The following GGTLC1 variants were observed in gnomAD, a reference collection of about 807,000 sequenced individuals.
GGTLC1 encodes the protein gamma-glutamyltransferase light chain 1, also known as glutathione hydrolase light chain 1.
In GGTLC1, 14 loss-of-function variants were observed where a neutral mutation model predicts 19.5. The ratio of observed to expected loss-of-function variants is 0.72; its 90% CI spans 0.47 to 1.12. The LOEUF is 1.12. GGTLC1 is among the 50% of genes most tolerant of loss of function. The pLI, the probability that GGTLC1 is intolerant of heterozygous loss-of-function variation, is 0.00. For missense variants in GGTLC1, 304 were observed against 309.2 expected (o/e 0.98, Z 0.13); for synonymous variants, 110 against 124.2 (o/e 0.89, Z 0.76).
chr20:23,986,577 G>T lies in GGTLC1; in HGVS notation c.35C>A (p.Ala12Asp), dbSNP rs377552031. 1.3e-5 allele frequency: 21 copies of T among 1,599,046 alleles called. No individual in the cohort carries two copies. In the African/African-American group the frequency reaches 2.2e-4, roughly 16 times the overall value. The change falls in exon 2 of 6, where the codon GCC becomes GAC. Residue 12 changes from alanine to aspartate, a missense_variant. Physicochemically the swap from Ala to Asp is moderately radical, Grantham distance 126. Transcript: ENST00000335694. Reference protein sequence around the residue: ...TSEFFSAQLRAQISDDTTHPI... With the variant: ...TSEFFSAQLRDQISDDTTHPI... ...GTGAGTGGTGTCGTCAGAGATCTGGGCCCGGAGCTGGGCAGAGAAGAACTC... is the reference window on the plus strand; with the variant it reads ...GTGAGTGGTGTCGTCAGAGATCTGGTCCCGGAGCTGGGCAGAGAAGAACTC...
chr20:23,988,523 GT>G (rs1962287980), intron 1 of GGTLC1, 85 bp downstream of exon 1: 1 of 758,896 alleles, frequency 1.3e-6, no homozygotes, highest in Admixed American at 5.6e-5. Flanking sequence ...CGCGACCTTT[GT>G]GCCCGTGTCT....
In GGTLC1 at chr20:23,986,130, T is replaced by C. The variant is rs372825938; in HGVS notation, c.250A>G (p.Ser84Gly). The change falls in exon 3 of 6, where the codon AGC (serine) becomes GGC (glycine). Residue 84 changes from serine (S) to glycine (G), a missense_variant. Ser to Gly is a moderately conservative substitution (Grantham distance 56). Coordinates refer to ENST00000335694, the MANE Select transcript of GGTLC1 (RefSeq NM_178311.3). ...NNEMDDFSST[S>G]ITNEFGVPPS... ...GGTACCCCAAACTCGTTGGTGATGC[T>C]GGTAGAGCTGAAGTCATCCATTTCA... is the stretch of plus-strand genomic sequence containing the variant. The C allele has an allele frequency of 1.2e-6, 2 of 1,613,372 alleles. No homozygotes were observed. Among genetic ancestry groups the C allele is most frequent in the Non-Finnish European group, 8.5e-7 (1 of 1,179,732 alleles).
intron 1 of GGTLC1, among the ~76,000 whole-genome samples, chr20:23,988,071 G>A (rs1190212229): frequency 1.1e-5 from 1 of 89,154 alleles, no homozygotes; most frequent in African/African-American, 4.4e-5. Flanking sequence ...AAAAAAAAGA[G>A]TCTGGCTCTG....
intron 1 of GGTLC1, 164 bp from the exon 2 acceptor site, chr20:23,986,809 C>T (rs1272476461): frequency 6.2e-6 from 9 of 1,441,522 alleles, no homozygotes; most frequent in Middle Eastern, 2.6e-4. Context: ...CTGTCTCTGT[C>T]GCATTCCAGC....
intron 1 of GGTLC1, among the ~76,000 whole-genome samples, chr20:23,987,375 C>T (rs2122430427): frequency 6.6e-6 from 1 of 152,148 alleles, no homozygotes; most frequent in South Asian, 2.1e-4. Flanking sequence ...AAAGGGGAGG[C>T]TGTGGGTATC....
intron 1 of GGTLC1, 147 bp from the exon 2 acceptor site, chr20:23,986,792 T>C: frequency 7.0e-7 from 1 of 1,434,812 alleles, no homozygotes; most frequent in Non-Finnish European, 9.3e-7. Flanking sequence ...ATGACCAGTC[T>C]GACTCCCTGT....
rs190984751 is a variant in GGTLC1, at chr20:23,986,473, C to T, written c.139G>A (p.Gly47Ser). 25 of 1,611,904 alleles carry T rather than the reference C, an allele frequency of 1.6e-5. No homozygotes were observed. In the East Asian group the frequency reaches 3.3e-4, roughly 22 times the overall value. The change falls in exon 2 of 6, where the codon GGC becomes AGC. Residue 47 changes from glycine (G) to serine (S), a missense_variant. Coordinates refer to ENST00000335694, the MANE Select transcript of GGTLC1 (RefSeq NM_178311.3). ...GTGCTGGTGGCGGACACAGCACTGC[C>T]GTCCTCTGCGACCACAGACAGGTGA... The part of the protein sequence containing the change: ...TAHLSVVAED[G>S]SAVSATSTIN...
In GGTLC1 at chr20:23,985,382, G is replaced by A. The variant is rs1366573387; in HGVS notation, c.532-20C>T. Reference sequence around the variant, plus strand: ...CACTTCCTGGGGGTGGGAGGAGAGGGGAAGCCTGAGCAGGGCTCCAGATGC... The same window carrying A: ...CACTTCCTGGGGGTGGGAGGAGAGGAGAAGCCTGAGCAGGGCTCCAGATGC... On this transcript the variant is annotated intron_variant, in intron 5 of 5. Transcript: ENST00000335694. 1.2e-6 allele frequency: 2 copies of A among 1,611,412 alleles called. No homozygotes were observed. The highest frequency in any genetic ancestry group is 1.7e-6 in the Non-Finnish European group (2 of 1,179,866).
Position 23,985,140 on chromosome 20 carries a change from C to T in GGTLC1, c.*76G>A, listed in dbSNP as rs1987792913. The T allele has an allele frequency of 1.9e-6, 3 of 1,599,824 alleles. No individual in the cohort carries two copies. Among genetic ancestry groups the T allele is most frequent in the East Asian group, 2.2e-5 (1 of 44,504 alleles). ...TCTGCTGCTCACAGGAGAAGCCTGTCCCCCAAAGTCCTCTTCCTCGTCCTG... is the reference window on the plus strand; with the variant it reads ...TCTGCTGCTCACAGGAGAAGCCTGTTCCCCAAAGTCCTCTTCCTCGTCCTG... On this transcript the variant is annotated 3_prime_UTR_variant, in exon 6 of 6. Coordinates refer to ENST00000335694, the MANE Select transcript of GGTLC1 (RefSeq NM_178311.3).
chr20:23,986,195 G>A lies in GGTLC1; in HGVS notation c.185C>T (p.Ser62Phe), dbSNP rs373114346. Residue 62 changes from serine to phenylalanine, a missense_variant, in exon 3 of 6, where the codon TCC becomes TTC. Transcript: ENST00000335694. The part of the protein sequence containing the change: ...ATSTINLYFG[S>F]KVRSPVSGIL... ...CCCGCTGACTGGGGAGCGCACCTTGGAGCCAAAGCTATCGCCCAGCCAGGT... is the reference window on the plus strand; with the variant it reads ...CCCGCTGACTGGGGAGCGCACCTTGAAGCCAAAGCTATCGCCCAGCCAGGT... The A allele has an allele frequency of 1.9e-6, 3 of 1,610,274 alleles. No individual in the cohort carries two copies. Among genetic ancestry groups the A allele is most frequent in the Non-Finnish European group, 2.5e-6 (3 of 1,178,286 alleles).
At position 23,985,315 on chromosome 20, in the gene GGTLC1, C is replaced by T. The variant is rs761198265; in HGVS notation, c.579G>A (p.Thr193=). The T allele has an allele frequency of 8.7e-6, 14 of 1,611,886 alleles. 1 individual carries two copies. In the South Asian group the frequency reaches 1.3e-4, roughly 15 times the overall value. Residue 193 remains threonine, a synonymous_variant, in exon 6 of 6, where the codon ACG becomes ACA. Coordinates refer to ENST00000335694, the MANE Select transcript of GGTLC1 (RefSeq NM_178311.3). ...LETRHHHTQI[T]STFIAVVQAI... is the part of the protein sequence containing the mutation. ...CTTGCACCACAGCAATGAAGGTGGA[C>T]GTGATCTGGGTGTGATGGTGCCGGG... is the stretch of plus-strand genomic sequence containing the variant.
chr20:23,986,398 C>T lies in GGTLC1; in HGVS notation c.176+38G>A, dbSNP rs1217273452. The T allele has an allele frequency of 2.5e-6, 4 of 1,608,288 alleles. No homozygotes were observed. In the African/African-American group the frequency reaches 4.0e-5, roughly 16 times the overall value. On this transcript the variant is annotated intron_variant, in intron 2 of 5. Transcript: ENST00000335694. ...TGGGCAGTCCCTGAGCCACCCTCCC[C>T]TGGCCCTTTCCCACCCAGGCGGCCC... is the stretch of plus-strand genomic sequence containing the variant.
chr20:23,986,505 C>T lies in GGTLC1; in HGVS notation c.107G>A (p.Gly36Asp). The change falls in exon 2 of 6, where the codon GGC (glycine) becomes GAC (aspartate). Residue 36 changes from glycine to aspartate, a missense_variant. Transcript: ENST00000335694. Reference protein sequence around the residue: ...KPEFYMPDDGGTAHLSVVAED... With the variant: ...KPEFYMPDDGDTAHLSVVAED... ...TGCGACCACAGACAGGTGAGCAGTG[C>T]CCCCGTCATCCGGCATGTAGAACTC... 6.2e-7 allele frequency: 1 copy of T among 1,609,722 alleles called. No homozygotes were observed. Among genetic ancestry groups the T allele is most frequent in the Non-Finnish European group, 8.5e-7 (1 of 1,177,764 alleles).
At chr20:23,987,627 G>A (rs904426666) in intron 1 of GGTLC1, among the ~76,000 whole-genome samples, 285 of 152,086 alleles carry the variant, frequency 1.9e-3, no homozygotes, top group African/African-American at 6.7e-3. Flanking sequence ...AGTGGCTGCT[G>A]GATGCCATGA....
intron 1 of GGTLC1, 148 bp downstream of exon 1, chr20:23,988,461 T>C (rs1006989412): frequency 2.2e-5 from 4 of 179,554 alleles, no homozygotes; most frequent in African/African-American, 7.1e-5. Context: ...AGAGCAGGAA[T>C]CTTCAGTGAT....
rs1476153336 is a variant in GGTLC1 at position 23,985,114 on chromosome 20, C to T, written c.*102G>A. 9 of 1,550,732 alleles carry T rather than the reference C, an allele frequency of 5.8e-6. No homozygotes were observed. Among genetic ancestry groups the T allele is most frequent in the Non-Finnish European group, 7.9e-6 (9 of 1,139,592 alleles). On this transcript the variant is annotated 3_prime_UTR_variant, in exon 6 of 6. Coordinates refer to ENST00000335694, the MANE Select transcript of GGTLC1 (RefSeq NM_178311.3). Reference sequence around the variant, plus strand: ...CACAGTGGCCTCATTTATTGTGCTGCTCTGCTGCTCACAGGAGAAGCCTGT... The same window carrying T: ...CACAGTGGCCTCATTTATTGTGCTGTTCTGCTGCTCACAGGAGAAGCCTGT...
At position 23,985,922 on chromosome 20, in the gene GGTLC1, G is replaced by C; in HGVS notation, c.357C>G (p.Gly119=). 1.2e-6 allele frequency: 2 copies of C among 1,612,030 alleles called. No individual in the cohort carries two copies. Among genetic ancestry groups the C allele is most frequent in the Non-Finnish European group, 1.7e-6 (2 of 1,179,864 alleles). ...MCPTIMVGQD[G]QVRMVVGAAG... ...CAGCTCCCACCACCATCCGGACCTG[G>C]CCGTCCTGGCCCACCATGATCGTCG... The change falls in exon 4 of 6, where the codon GGC becomes GGG. Residue 119 remains glycine, a synonymous_variant. Coordinates refer to ENST00000335694, the MANE Select transcript of GGTLC1 (RefSeq NM_178311.3).
intron 2 of GGTLC1, 60 bp from the exon 3 acceptor site, chr20:23,986,263 C>T (rs1987905938): frequency 2.5e-6 from 4 of 1,592,980 alleles, no homozygotes; most frequent in African/African-American, 2.7e-5. Context: ...GGTCCCTATC[C>T]ACCCACTGAG....
At position 23,986,614 on chromosome 20, in the gene GGTLC1, C is replaced by G; in HGVS notation, c.-3G>C. 6.9e-7 allele frequency: 1 copy of G among 1,441,582 alleles called. No individual in the cohort carries two copies. The highest frequency in any genetic ancestry group is 9.3e-7 in the Non-Finnish European group (1 of 1,069,940). The allele number at this position is 1,441,582 out of a possible 1,614,324, so 89.3% of individuals were successfully genotyped here. ...GCAGAGAAGAACTCGGAGGTCATGT[C>G]GCGGACCACCTGCCGAGACCCCAGA... On this transcript the variant is annotated 5_prime_UTR_variant, in exon 2 of 6. Coordinates refer to ENST00000335694, the MANE Select transcript of GGTLC1 (RefSeq NM_178311.3).
Sources: allele counts gnomAD v4.1 joint callset (sites outside exome capture counted in the v4.1 genomes callset), GRCh38; gene constraint gnomAD v4.1.1; transcripts MANE v1.5; gene names NCBI Gene and HGNC (gene_info 2026-07-23, HGNC 2026-07-21).